The following NFIA variants were observed in gnomAD, a reference collection of about 807,000 sequenced individuals.
The protein encoded by NFIA is nuclear factor 1 A-type.
NFIA carries 8 observed loss-of-function variants against 62.8 expected under a neutral mutation model. The ratio of observed to expected loss-of-function variants is 0.13; its 90% confidence interval spans 0.07 to 0.23. NFIA has a LOEUF of 0.23. Among genes scored for constraint, NFIA ranks in the 10% least tolerant of loss-of-function variants. The pLI, the probability that NFIA is intolerant of heterozygous loss-of-function variation, is 1.00. For synonymous variants in NFIA, 235 were observed against 238.1 expected (o/e 0.99, Z 0.12); for missense variants, 410 against 642.1 (o/e 0.64, Z 3.91).
At chr1:61,391,432 TCAAACACA>T (rs1664971862) in intron 7 of NFIA, among the ~76,000 whole-genome samples, 2 of 101,488 alleles carry the variant, frequency 2.0e-5, no homozygotes, top group Middle Eastern at 5.1e-3. Context: ...TCTTTATGAA[TCAAACACA>T]CACACACACA....
intron 6 of NFIA, among the ~76,000 whole-genome samples, chr1:61,365,793 T>C (rs552067772): frequency 2.6e-4 from 39 of 152,322 alleles, no homozygotes; most frequent in Admixed American, 1.1e-3. Flanking sequence ...CACAAAGTTA[T>C]GACAGATGAG....
chr1:61,333,564 A>G (rs969755460), intron 4 of NFIA, among the ~76,000 whole-genome samples: 5 of 152,238 alleles, frequency 3.3e-5, no homozygotes, highest in Non-Finnish European at 5.9e-5. Flanking sequence ...ACTACTGTTC[A>G]TTTACTGTCT....
intron 2 of NFIA, among the ~76,000 whole-genome samples, chr1:61,153,064 C>G (rs2100524050): frequency 6.6e-6 from 1 of 152,278 alleles, no homozygotes; most frequent in East Asian, 1.9e-4. Context: ...TGAATTTAGG[C>G]AAGTCCCTTT....
intron 3 of NFIA, among the ~76,000 whole-genome samples, chr1:61,302,752 C>T (rs913836362): frequency 1.3e-5 from 2 of 152,082 alleles, no homozygotes; most frequent in African/African-American, 4.8e-5. Flanking sequence ...GAAAAAACAT[C>T]CACAAACAAA....
intron 2 of NFIA, among the ~76,000 whole-genome samples, chr1:61,143,984 A>G (rs1231218728): frequency 1.3e-5 from 2 of 152,238 alleles, no homozygotes; most frequent in Non-Finnish European, 2.9e-5. Flanking sequence ...TTTACACACA[A>G]TTCTAATAAA....
intron 2 of NFIA, among the ~76,000 whole-genome samples, chr1:61,242,976 A>G (rs1397338296): frequency 1.3e-5 from 2 of 151,968 alleles, no homozygotes; most frequent in Non-Finnish European, 2.9e-5. Flanking sequence ...TCTCTATCAC[A>G]AGGGGTAGTC....
chr1:61,222,598 G>A (rs1046492632), intron 2 of NFIA, among the ~76,000 whole-genome samples: 6 of 151,958 alleles, frequency 3.9e-5, no homozygotes, highest in African/African-American at 1.4e-4. Flanking sequence ...TTTAATGATG[G>A]GTATTTAGAG....
At chr1:61,083,034 G>A (rs1294944985) in intron 1 of NFIA, among the ~76,000 whole-genome samples, 1 of 152,136 alleles carries the variant, frequency 6.6e-6, no homozygotes, top group Non-Finnish European at 1.5e-5. Context: ...GTTTCCATGC[G>A]GGTGCATTCC....
chr1:61,446,585 G>C (rs754357390), intron 10 of NFIA, among the ~76,000 whole-genome samples: 14 of 152,192 alleles, frequency 9.2e-5, no homozygotes, highest in Non-Finnish European at 1.9e-4. Flanking sequence ...GTGCCTGCTG[G>C]GGTGGAGAAG....
At chr1:61,322,349 A>G (rs986206349) in intron 3 of NFIA, among the ~76,000 whole-genome samples, 1 of 152,168 alleles carries the variant, frequency 6.6e-6, no homozygotes, top group African/African-American at 2.4e-5. Flanking sequence ...ATGTATATTG[A>G]AATCTATTTT....
chr1:61,099,091 T>G (rs1646466122), intron 2 of NFIA, among the ~76,000 whole-genome samples: 1 of 152,244 alleles, frequency 6.6e-6, no homozygotes, highest in Non-Finnish European at 1.5e-5. Context: ...TTTTACCACC[T>G]ACATTTTTAA....
At chr1:61,180,393 C>G (rs1650681456) in intron 2 of NFIA, among the ~76,000 whole-genome samples, 1 of 152,190 alleles carries the variant, frequency 6.6e-6, no homozygotes, top group South Asian at 2.1e-4. Context: ...ACTCTTAATT[C>G]TTCCTCTTTG....
Position 61,316,630 on chromosome 1 carries a change from C to T in NFIA, c.626-15882C>T, listed in dbSNP as rs1037574917. On this transcript the variant is annotated intron_variant, in intron 3 of 10. Transcript: ENST00000403491. The stretch of plus-strand genomic sequence containing the variant: ...CTGATGAGAAACATTGTAGTGGTTC[C>T]GAGAAGAACAAGAGCGCTCTTACTT... Among the ~76,000 whole-genome samples, 6 of 152,046 alleles carry T rather than the reference C, an allele frequency of 3.9e-5. No homozygotes were observed. The South Asian group carries it at 1.0e-3, about 26-fold the overall frequency.
chr1:61,323,706 A>G (rs1464475243), intron 3 of NFIA, among the ~76,000 whole-genome samples: 1 of 152,220 alleles, frequency 6.6e-6, no homozygotes, highest in Non-Finnish European at 1.5e-5. Flanking sequence ...TTCCAAGATA[A>G]TCTAAATTAA....
At chr1:61,427,041 G>A (rs1174295501) in intron 10 of NFIA, among the ~76,000 whole-genome samples, 6 of 152,110 alleles carry the variant, frequency 3.9e-5, no homozygotes, top group Non-Finnish European at 8.8e-5. Context: ...TTAAGTTGCT[G>A]GTGTTGGTCC....
chr1:61,094,738 C>T (rs971401850), intron 2 of NFIA, among the ~76,000 whole-genome samples: 7 of 152,136 alleles, frequency 4.6e-5, no homozygotes, highest in African/African-American at 1.4e-4. Context: ...GCTGCTTAGA[C>T]AGAAATGACT....
At position 61,412,730 on chromosome 1, in the gene NFIA, C is replaced by A. The variant is rs556859475; in HGVS notation, c.1420+6003C>A. ...GACTGGGTTTTTCTGTGTGTATCAT[C>A]TCATTAAATTGAGAAGGGACTCCTT... On this transcript the variant is annotated intron_variant, in intron 9 of 10. Transcript: ENST00000403491. Among the ~76,000 whole-genome samples the A allele has an allele frequency of 1.6e-4, 24 of 152,282 alleles. 1 individual carries two copies. The South Asian group carries it at 4.8e-3, about 30-fold the overall frequency.
chr1:61,410,566 A>G (rs1365533146), intron 9 of NFIA, among the ~76,000 whole-genome samples: 1 of 152,124 alleles, frequency 6.6e-6, no homozygotes, highest in Non-Finnish European at 1.5e-5. Context: ...AGCCTTTTCT[A>G]TTTAGGAGTT....
At chr1:61,140,245 A>G (rs1048163270) in intron 2 of NFIA, among the ~76,000 whole-genome samples, 1 of 152,066 alleles carries the variant, frequency 6.6e-6, no homozygotes, top group African/African-American at 2.4e-5. Flanking sequence ...AGCTTGTTAC[A>G]TACTGATAGC....
Sources: allele counts gnomAD v4.1 joint callset (sites outside exome capture counted in the v4.1 genomes callset), GRCh38; gene constraint gnomAD v4.1.1; transcripts MANE v1.5; gene names NCBI Gene and HGNC (gene_info 2026-07-23, HGNC 2026-07-21).